ACTR3C: variants seen among roughly 807,000 people sequenced by gnomAD.
ACTR3C encodes the protein actin-related protein 3C.
A neutral mutation model predicts 26.3 loss-of-function variants in ACTR3C; 18 were observed. The ratio of observed to expected loss-of-function variants is 0.68; its 90% CI spans 0.47 to 1.01. ACTR3C has a LOEUF of 1.01. ACTR3C is among the 50% of genes least tolerant of loss of function. ACTR3C has a pLI of 0.00. For missense variants in ACTR3C, 184 were observed against 250.7 expected (o/e 0.73, Z 1.80); for synonymous variants, 55 against 94.5 (o/e 0.58, Z 2.42).
chr7:149,959,226 C>T, the ACTR3C span, among the ~76,000 whole-genome samples: 1 of 25,656 alleles, frequency 3.9e-5, no homozygotes, highest in African/African-American at 6.4e-5. Context: ...TAGCTCGCCC[C>T]CCACCCCCAC....
chr7:149,908,518 C>T, the ACTR3C span, among the ~76,000 whole-genome samples: 1 of 152,314 alleles, frequency 6.6e-6, no homozygotes, highest in South Asian at 2.1e-4. Flanking sequence ...TCACCAAATA[C>T]AGCTTTAGCC....
chr7:149,899,646 A>G, the ACTR3C span, among the ~76,000 whole-genome samples: 2 of 150,004 alleles, frequency 1.3e-5, no homozygotes, highest in Non-Finnish European at 3.0e-5. Context: ...CATCTGGGAT[A>G]TATAAGAAAA....
At chr7:149,948,631 C>G in the ACTR3C span, among the ~76,000 whole-genome samples, 1 of 151,262 alleles carries the variant, frequency 6.6e-6, no homozygotes, top group African/African-American at 2.5e-5. Context: ...TCACCGTCCC[C>G]GGGCAGTTGC....
chr7:149,989,090 G>A, the ACTR3C span, among the ~76,000 whole-genome samples: 1 of 152,094 alleles, frequency 6.6e-6, no homozygotes, highest in Non-Finnish European at 1.5e-5. Flanking sequence ...CCACTTCTGG[G>A]CCCCAGGCAA....
the ACTR3C span, among the ~76,000 whole-genome samples, chr7:149,915,517 G>A: frequency 1.2e-4 from 1 of 8,656 alleles, no homozygotes; most frequent in Admixed American, 2.3e-3. Context: ...AGTCCATTTT[G>A]TTTTTTTTGT....
At chr7:150,284,911 C>T (rs1835650599) in intron 5 of ACTR3C, 66 bp from the exon 6 acceptor site, 1 of 1,416,134 alleles carries the variant, frequency 7.1e-7, no homozygotes, top group African/African-American at 1.5e-5. Flanking sequence ...CATGAACACT[C>T]CTTTAAAGTA....
the ACTR3C span, among the ~76,000 whole-genome samples, chr7:149,986,331 T>C: frequency 2.0e-5 from 3 of 152,198 alleles, no homozygotes; most frequent in Non-Finnish European, 4.4e-5. Flanking sequence ...TACCTTATGA[T>C]AAGGGGTCTG....
chr7:149,951,820 G>A, the ACTR3C span, among the ~76,000 whole-genome samples: 4 of 150,062 alleles, frequency 2.7e-5, no homozygotes, highest in Admixed American at 1.3e-4. Context: ...GTGTGTAGGC[G>A]CCAGGGCCAA....
the ACTR3C span, among the ~76,000 whole-genome samples, chr7:149,923,862 G>A: frequency 1.3e-5 from 2 of 151,696 alleles, no homozygotes; most frequent in South Asian, 2.1e-4. Flanking sequence ...GCCAGGCATG[G>A]TGGTGGGTGC....
chr7:150,158,158 T>C, the ACTR3C span, among the ~76,000 whole-genome samples: 5 of 152,164 alleles, frequency 3.3e-5, no homozygotes, highest in African/African-American at 1.2e-4. Context: ...CTTCACCCGT[T>C]AGGATGTTTA....
chr7:150,242,362 A>T (rs1366642525), downstream of ACTR3C, among the ~76,000 whole-genome samples: 1 of 150,604 alleles, frequency 6.6e-6, no homozygotes, highest in East Asian at 1.9e-4. Flanking sequence ...AAAGCAGGTC[A>T]GTCACTGCTG....
the ACTR3C span, among the ~76,000 whole-genome samples, chr7:150,023,759 G>C: frequency 6.7e-6 from 1 of 148,530 alleles, no homozygotes; most frequent in Non-Finnish European, 1.5e-5. Flanking sequence ...TGAGTACTGA[G>C]ACCCTATCTT....
the ACTR3C span, among the ~76,000 whole-genome samples, chr7:149,987,977 T>G: frequency 6.6e-6 from 1 of 152,258 alleles, no homozygotes; most frequent in African/African-American, 2.4e-5. Context: ...TAATCTCATG[T>G]AATAACTTCC....
the ACTR3C span, among the ~76,000 whole-genome samples, chr7:150,220,060 GT>G: frequency 4.1e-5 from 6 of 147,196 alleles, no homozygotes; most frequent in South Asian, 2.1e-4. Context: ...AACAGCATAC[GT>G]TCTCTCAACC....
At chr7:150,021,178 G>A in the ACTR3C span, among the ~76,000 whole-genome samples, 3 of 151,792 alleles carry the variant, frequency 2.0e-5, no homozygotes, top group East Asian at 5.8e-4. Flanking sequence ...ATAGGAAGAA[G>A]CTTCTGACTT....
chr7:149,923,374 TACAG>T, the ACTR3C span, among the ~76,000 whole-genome samples: 1 of 151,928 alleles, frequency 6.6e-6, no homozygotes, highest in East Asian at 1.9e-4. Context: ...ATATTTTGGG[TACAG>T]ACAATTCAGA....
the ACTR3C span, among the ~76,000 whole-genome samples, chr7:149,994,775 T>C: frequency 2.0e-5 from 3 of 151,520 alleles, no homozygotes; most frequent in Non-Finnish European, 4.4e-5. Flanking sequence ...AGAAATCCAA[T>C]GTTTACTGAA....
chr7:150,124,884 T>A, the ACTR3C span, among the ~76,000 whole-genome samples: 3 of 152,242 alleles, frequency 2.0e-5, no homozygotes, highest in Non-Finnish European at 4.4e-5. Context: ...ATTGTAATAA[T>A]AACCATGTGA....
At chr7:149,910,588 T>C in the ACTR3C span, among the ~76,000 whole-genome samples, 27 of 152,142 alleles carry the variant, frequency 1.8e-4, no homozygotes, top group Non-Finnish European at 2.1e-4. Context: ...TAATTAACAG[T>C]AACGTCTGGA....
Sources: allele counts gnomAD v4.1 joint callset (sites outside exome capture counted in the v4.1 genomes callset), GRCh38; gene constraint gnomAD v4.1.1; transcripts MANE v1.5; gene names NCBI Gene and HGNC (gene_info 2026-07-23, HGNC 2026-07-21).